GLG1: variants seen among roughly 807,000 people sequenced by gnomAD.
GLG1 encodes the protein golgi glycoprotein 1.
In GLG1, 38 loss-of-function variants were observed where a neutral mutation model predicts 160.5. The observed-to-expected ratio is 0.24, with a 90% confidence interval of 0.18 to 0.31. GLG1 has a LOEUF of 0.31. Among genes scored for constraint, GLG1 ranks in the 10% least tolerant of loss-of-function variants. GLG1 has a pLI of 1.00. For missense variants in GLG1, 1,373 were observed against 1,505.2 expected, an observed-to-expected ratio of 0.91 and a Z score of 1.45; for synonymous variants, 644 against 543.4, an observed-to-expected ratio of 1.19 and a Z score of -2.57.
At chr16:74,573,632 C>T (rs573595166) in intron 1 of GLG1, among the ~76,000 whole-genome samples, 343 of 147,246 alleles carry the variant, frequency 2.3e-3, no homozygotes, top group African/African-American at 8.1e-3. Flanking sequence ...CACCCTGTTG[C>T]CCAGGCTCGA....
At chr16:74,587,772 C>A (rs2143846774) in intron 1 of GLG1, among the ~76,000 whole-genome samples, 1 of 152,264 alleles carries the variant, frequency 6.6e-6, no homozygotes, top group Middle Eastern at 3.4e-3. Flanking sequence ...AGGAGAATCA[C>A]TTGAACCTGG....
chr16:74,570,674 T>A (rs117386179), intron 1 of GLG1, among the ~76,000 whole-genome samples: 5 of 152,060 alleles, frequency 3.3e-5, no homozygotes, highest in African/African-American at 1.2e-4. Context: ...GGCAGGAGCA[T>A]CACTTGAGAT....
intron 2 of GLG1, among the ~76,000 whole-genome samples, chr16:74,520,900 G>A (rs1052766874): frequency 3.3e-5 from 5 of 152,134 alleles, no homozygotes; most frequent in Non-Finnish European, 4.4e-5. Context: ...CCGACAGGCA[G>A]CAGTGAGCAA....
chr16:74,480,402 G>A lies in GLG1; in HGVS notation c.1674-8C>T. The A allele has an allele frequency of 6.3e-7, 1 of 1,594,034 alleles. No individual in the cohort carries two copies. The highest frequency in any genetic ancestry group is 8.5e-7 in the Non-Finnish European group (1 of 1,171,370). On this transcript the variant is annotated splice_region_variant and splice_polypyrimidine_tract_variant and intron_variant, in intron 10 of 25. Coordinates refer to ENST00000422840, the MANE Select transcript of GLG1 (RefSeq NM_001145667.2). ...TACAGGACAGGGTCCAGCCTATAAGGTTAAGAGTTAAAAGATAACCACTAA... is the reference window on the plus strand; with the variant it reads ...TACAGGACAGGGTCCAGCCTATAAGATTAAGAGTTAAAAGATAACCACTAA...
At chr16:74,590,187 G>C (rs1024069742) in intron 1 of GLG1, among the ~76,000 whole-genome samples, 2 of 151,960 alleles carry the variant, frequency 1.3e-5, no homozygotes, top group African/African-American at 2.4e-5. Context: ...TTTTAGTAGA[G>C]ACAGGATTTC....
At chr16:74,465,238 A>T (rs1317703932) in intron 19 of GLG1, among the ~76,000 whole-genome samples, 1 of 152,244 alleles carries the variant, frequency 6.6e-6, no homozygotes, top group Non-Finnish European at 1.5e-5. Flanking sequence ...GGAGGGAATG[A>T]AGCAAAACAA....
chr16:74,574,764 G>C (rs765592248), intron 1 of GLG1, among the ~76,000 whole-genome samples: 6 of 150,786 alleles, frequency 4.0e-5, no homozygotes, highest in Non-Finnish European at 5.9e-5. Context: ...CACACCTGTA[G>C]TCCCAGTTGC....
At chr16:74,600,866 G>A (rs13335836) in intron 1 of GLG1, among the ~76,000 whole-genome samples, 11,612 of 151,670 alleles carry the variant, frequency 0.077, 1,467 homozygotes, top group African/African-American at 0.26. Context: ...TTTACTATCT[G>A]TATGACATCA....
At chr16:74,525,067 T>A (rs754028759) in intron 2 of GLG1, among the ~76,000 whole-genome samples, 1 of 152,234 alleles carries the variant, frequency 6.6e-6, no homozygotes, top group African/African-American at 2.4e-5. Flanking sequence ...GCATTTGGGC[T>A]GTTTCCATTT....
At chr16:74,559,668 C>A (rs1344245765) in intron 1 of GLG1, among the ~76,000 whole-genome samples, 1 of 151,632 alleles carries the variant, frequency 6.6e-6, no homozygotes, top group Non-Finnish European at 1.5e-5. Context: ...GAACTTAATT[C>A]TTTGCCTGCT....
intron 1 of GLG1, among the ~76,000 whole-genome samples, chr16:74,579,270 G>A (rs745539459): frequency 1.3e-5 from 2 of 152,130 alleles, no homozygotes; most frequent in Admixed American, 1.3e-4. Flanking sequence ...TTAGCCAGGT[G>A]TGGTGGCATG....
intron 1 of GLG1, among the ~76,000 whole-genome samples, chr16:74,540,587 G>A (rs2017834533): frequency 6.6e-6 from 1 of 151,434 alleles, no homozygotes; most frequent in Non-Finnish European, 1.5e-5. Context: ...TTTTAAGTCT[G>A]CTGGGACTAA....
intron 1 of GLG1, among the ~76,000 whole-genome samples, chr16:74,606,089 G>A (rs920458544): frequency 5.9e-5 from 9 of 152,166 alleles, no homozygotes; most frequent in African/African-American, 2.2e-4. Context: ...AAGCTTTGGG[G>A]CGCCAAGTCA....
chr16:74,467,663 A>G, intron 18 of GLG1, 93 bp downstream of exon 18: 1 of 846,850 alleles, frequency 1.2e-6, no homozygotes, highest in Non-Finnish European at 1.9e-6. Context: ...ATTCATGACT[A>G]AAATGTTACC....
rs750172789 is a variant in GLG1 at position 74,467,816 on chromosome 16, G to A, written c.2469C>T (p.Tyr823=). The A allele has an allele frequency of 1.4e-5, 22 of 1,613,118 alleles. No homozygotes were observed. The highest frequency in any genetic ancestry group is 4.4e-5 in the South Asian group (4 of 91,000). The change falls in exon 18 of 26, where the codon TAC becomes TAT. Residue 823 remains tyrosine, a synonymous_variant. Transcript: ENST00000422840. ...TEDIRLEPDL[Y]EACKSDIKNF... is the part of the protein sequence containing the mutation. Reference sequence around the variant, plus strand: ...TTTTGATGTCACTCTTGCAGGCTTCGTATAGATCTGGCTCCAAGCGGATGT... The same window carrying A: ...TTTTGATGTCACTCTTGCAGGCTTCATATAGATCTGGCTCCAAGCGGATGT...
At chr16:74,513,918 A>G (rs1567495239) in intron 2 of GLG1, among the ~76,000 whole-genome samples, 1 of 152,240 alleles carries the variant, frequency 6.6e-6, no homozygotes, top group African/African-American at 2.4e-5. Context: ...ATGGCTAACT[A>G]GAATAACCAG....
At chr16:74,534,777 G>C (rs1230221248) in intron 1 of GLG1, among the ~76,000 whole-genome samples, 1 of 152,134 alleles carries the variant, frequency 6.6e-6, no homozygotes, top group African/African-American at 2.4e-5. Flanking sequence ...AGCAAATCAA[G>C]ATAGCAAAAG....
chr16:74,561,018 ACCACGCAGTC>A (rs2018497785), intron 1 of GLG1, among the ~76,000 whole-genome samples: 1 of 152,252 alleles, frequency 6.6e-6, no homozygotes, highest in Non-Finnish European at 1.5e-5. Context: ...ATAGTCTGGC[ACCACGCAGTC>A]CTGCGCAGTC....
intron 24 of GLG1, among the ~76,000 whole-genome samples, chr16:74,457,430 C>G (rs932509537): frequency 6.6e-6 from 1 of 152,078 alleles, no homozygotes; most frequent in African/African-American, 2.4e-5. Context: ...CAAACAACTT[C>G]TATTAGTTTT....
Sources: gnomAD v4.1 joint callset for allele counts (sites outside exome capture counted in the v4.1 genomes callset) on GRCh38, gnomAD v4.1.1 for gene constraint, MANE v1.5 for transcripts, NCBI Gene and HGNC (gene_info 2026-07-23, HGNC 2026-07-21) for gene names.